Variants in MYO5B observed in about 807,000 individuals in gnomAD.
The protein encoded by MYO5B is myosin VB, also known as unconventional myosin-Vb.
Under a neutral mutation model 229.3 loss-of-function variants are expected in MYO5B, and 143 were observed. The observed-to-expected ratio is 0.62, with a 90% CI of 0.54 to 0.72. The LOEUF (loss-of-function observed/expected upper bound fraction) is 0.72, where lower values mean the gene tolerates loss of function less well. Ranked by LOEUF, MYO5B falls within the 30% of genes least tolerant of loss-of-function variation. MYO5B has a pLI of 0.00. For missense variants in MYO5B, 2,321 were observed against 2,331.0 expected (o/e 1.00, Z 0.09); for synonymous variants, 918 against 885.2 (o/e 1.04, Z -0.66).
chr18:49,897,421 C>T (rs1464393495), intron 21 of MYO5B, among the ~76,000 whole-genome samples: 2 of 151,008 alleles, frequency 1.3e-5, no homozygotes, highest in East Asian at 3.9e-4. Flanking sequence ...TAGTTTTTAA[C>T]AAAAAAAAGT....
chr18:50,054,120 G>C (rs570314559), intron 2 of MYO5B, among the ~76,000 whole-genome samples: 3 of 152,048 alleles, frequency 2.0e-5, no homozygotes, highest in Admixed American at 6.6e-5. Flanking sequence ...CCCTTTCCTG[G>C]AACACAAGAA....
chr18:49,907,287 T>A (rs1401888616), intron 18 of MYO5B, among the ~76,000 whole-genome samples: 2 of 152,190 alleles, frequency 1.3e-5, no homozygotes, highest in Non-Finnish European at 1.5e-5. Flanking sequence ...ATCAACATTT[T>A]AAAAAGATTA....
chr18:49,897,035 A>G (rs891410348), intron 21 of MYO5B, among the ~76,000 whole-genome samples: 1 of 152,178 alleles, frequency 6.6e-6, no homozygotes, highest in African/African-American at 2.4e-5. Context: ...CAAGTTCTCT[A>G]TGGAGAACCC....
chr18:50,077,114 G>A (rs2031097414), intron 1 of MYO5B, among the ~76,000 whole-genome samples: 1 of 145,510 alleles, frequency 6.9e-6, no homozygotes, highest in Non-Finnish European at 1.5e-5. Flanking sequence ...AACAGAATGG[G>A]GATAGTAAAT....
rs186661629 is a variant in MYO5B at position 49,848,875 on chromosome 18, G to A, written c.4315+692C>T. The stretch of plus-strand genomic sequence containing the variant: ...AAGACCTTCCAGTCTAGAGGAGCAG[G>A]AGATTAAACAGGTAAAATGACAACT... On this transcript the variant is annotated intron_variant, in intron 32 of 39. Transcript: ENST00000285039. Among the ~76,000 whole-genome samples the A allele has an allele frequency of 9.2e-3, 1,394 of 152,190 alleles. 39 individuals are homozygous for A. The South Asian group carries it at 0.12, about 13-fold the overall frequency.
At chr18:49,872,117 G>A in intron 27 of MYO5B, 50 bp downstream of exon 27, 2 of 1,565,668 alleles carry the variant, frequency 1.3e-6, no homozygotes, top group Non-Finnish European at 1.8e-6. Context: ...TTTGTCATCT[G>A]CCCTCTGCCA....
At chr18:49,893,345 T>C (rs1234421977) in intron 22 of MYO5B, among the ~76,000 whole-genome samples, 2 of 152,218 alleles carry the variant, frequency 1.3e-5, no homozygotes, top group African/African-American at 4.8e-5. Flanking sequence ...TTCTTGATCC[T>C]TTCTGGCTTT....
rs57890084 is a variant in MYO5B at position 50,105,251 on chromosome 18, A to AT, written c.28-49874_28-49873insA. On this transcript the variant is annotated intron_variant, in intron 1 of 39. Transcript: ENST00000285039. ...AATAAATAAATAAATAAATAAATAA[A>AT]AAATAGATAAAATAGCTGCTGATGC... Among the ~76,000 whole-genome samples, 32 of 142,426 alleles carry AT rather than the reference A, an allele frequency of 2.2e-4. 1 individual carries two copies. The highest frequency in any genetic ancestry group is 7.5e-4 in the African/African-American group (28 of 37,168). 93.4% of individuals were successfully genotyped at this position (142,426 alleles called of 152,430 possible).
At chr18:50,036,763 G>A in intron 4 of MYO5B, 87 bp downstream of exon 4, 10 of 1,494,772 alleles carry the variant, frequency 6.7e-6, no homozygotes, top group Non-Finnish European at 8.4e-6. Context: ...CCACCTCACT[G>A]TGAGCATCAG....
Position 49,902,575 on chromosome 18 carries a change from G to A in MYO5B, c.2811+19C>T, listed in dbSNP as rs1222625120. 6.2e-7 allele frequency: 1 copy of A among 1,609,244 alleles called. No individual in the cohort carries two copies. The highest frequency in any genetic ancestry group is 1.1e-5 in the South Asian group (1 of 91,028). On this transcript the variant is annotated intron_variant, in intron 21 of 39. Transcript: ENST00000285039. ...TACCCAAGCCCCCGACACCCAGGTA[G>A]GGAGCTGCAGACACTGACCTGCTCA...
intron 17 of MYO5B, among the ~76,000 whole-genome samples, chr18:49,920,231 T>C (rs1598883230): frequency 6.6e-6 from 1 of 152,216 alleles, no homozygotes; most frequent in East Asian, 1.9e-4. Flanking sequence ...GTGGTGATGG[T>C]TGTATAACTC....
chr18:50,075,370 C>G (rs779165151), intron 1 of MYO5B, among the ~76,000 whole-genome samples: 1 of 152,210 alleles, frequency 6.6e-6, no homozygotes, highest in Admixed American at 6.5e-5. Context: ...TACATATACA[C>G]AGGAGTATAC....
chr18:49,962,463 TC>T (rs1201900635), intron 11 of MYO5B, 57 bp from the exon 12 acceptor site: 5 of 1,611,330 alleles, frequency 3.1e-6, no homozygotes. Context: ...AACATTCACC[TC>T]CCCCAGGGGC....
intron 17 of MYO5B, among the ~76,000 whole-genome samples, chr18:49,914,178 C>A (rs1230340985): frequency 6.6e-6 from 1 of 152,200 alleles, no homozygotes; most frequent in East Asian, 1.9e-4. Context: ...ACTGGGGCTT[C>A]AGGAGTCGCA....
intron 7 of MYO5B, among the ~76,000 whole-genome samples, chr18:49,986,248 C>A (rs760299615): frequency 4.6e-5 from 7 of 152,284 alleles, no homozygotes; most frequent in Non-Finnish European, 8.8e-5. Context: ...GTGGTCTCTG[C>A]CTACCTCTCC....
intron 2 of MYO5B, among the ~76,000 whole-genome samples, chr18:50,043,392 T>A (rs1191053999): frequency 3.1e-4 from 22 of 70,676 alleles, no homozygotes; most frequent in African/African-American, 1.0e-3. Context: ...ATTAAATATA[T>A]TTAAATATAT....
chr18:49,850,030 G>A (rs187456922), intron 31 of MYO5B: 6,607 of 356,894 alleles, frequency 0.019, 365 homozygotes, highest in South Asian at 0.12. Flanking sequence ...CCCTGGGAAG[G>A]AACGGACAGG....
At position 49,843,311 on chromosome 18, in the gene MYO5B, T is replaced by C. The variant is rs779653326; in HGVS notation, c.4541A>G (p.Tyr1514Cys). 6.2e-7 allele frequency: 1 copy of C among 1,614,198 alleles called. No homozygotes were observed. Among genetic ancestry groups the C allele is most frequent in the Non-Finnish European group, 8.5e-7 (1 of 1,180,040 alleles). Residue 1514 changes from tyrosine to cysteine, a missense_variant, in exon 34 of 40, where the codon TAC becomes TGC. Tyr to Cys is a radical substitution (Grantham distance 194). Around this residue, in one of 2 missense-constraint regions of MYO5B, gnomAD observed 2,113 missense variants for 2,044.7 expected, o/e 1.03. Transcript: ENST00000285039. ...GTGCACCTTGAGATCGTCGTTGGTG[T>C]AGTCCGCGTGCCGGATGCACATGTA... ...ILYMCIRHAD[Y>C]TNDDLKVHSL...
intron 16 of MYO5B, among the ~76,000 whole-genome samples, 188 bp downstream of exon 16, chr18:49,936,064 G>A (rs1159546017): frequency 6.6e-6 from 1 of 152,166 alleles, no homozygotes; most frequent in South Asian, 2.1e-4. Flanking sequence ...AGACCTCCTG[G>A]ACAGCAGACT....
Sources: allele counts gnomAD v4.1 joint callset (sites outside exome capture counted in the v4.1 genomes callset), GRCh38; gene constraint gnomAD v4.1.1; regional missense constraint gnomAD v4.1.1; transcripts MANE v1.5; gene names NCBI Gene and HGNC (gene_info 2026-07-23, HGNC 2026-07-21).